The following SLC4A4 variants were observed in gnomAD, a reference collection of about 807,000 sequenced individuals.
The protein encoded by SLC4A4 is electrogenic sodium bicarbonate cotransporter 1.
In SLC4A4, 27 loss-of-function variants were observed where a neutral mutation model predicts 111.5. That is an observed-to-expected ratio of 0.24 (90% CI 0.18 to 0.33). The LOEUF (loss-of-function observed/expected upper bound fraction) is 0.33, where lower values mean the gene tolerates loss of function less well. Among genes scored for constraint, SLC4A4 ranks in the 10% least tolerant of loss-of-function variants. The pLI, the probability that SLC4A4 is intolerant of heterozygous loss-of-function variation, is 1.00. For synonymous variants in SLC4A4, 443 were observed against 463.4 expected (o/e 0.96, Z 0.57); for missense variants, 909 against 1,315.5 (o/e 0.69, Z 4.78).
chr4:71,459,691 T>G (rs1180973378), intron 12 of SLC4A4, among the ~76,000 whole-genome samples: 1 of 152,070 alleles, frequency 6.6e-6, no homozygotes, highest in Non-Finnish European at 1.5e-5. Context: ...TAGGGCAAAT[T>G]TCTAGCAGAA....
intron 15 of SLC4A4, among the ~76,000 whole-genome samples, chr4:71,497,127 T>C (rs1261345101): frequency 6.6e-6 from 1 of 152,090 alleles, no homozygotes; most frequent in Non-Finnish European, 1.5e-5. Flanking sequence ...AAGTACTTTT[T>C]GAAAAAGGGA....
rs140119135 is a variant in SLC4A4, at chr4:71,149,674, G to A, written c.-2+56882G>A. On this transcript the variant is annotated intron_variant, in intron 2 of 26. Coordinates refer to the SLC4A4 transcript ENST00000649996. ...GGCTCTGTGCTCCAAATATGAATGG[G>A]GGCTTAAGGAGGGCCATGTTTTCCT... Among the ~76,000 whole-genome samples the A allele has an allele frequency of 3.7e-3, 558 of 152,270 alleles. 1 individual carries two copies. Among genetic ancestry groups the A allele is most frequent in the Middle Eastern group, 0.017 (5 of 294 alleles).
intron 2 of SLC4A4, among the ~76,000 whole-genome samples, chr4:71,153,134 G>GGA (rs1391795384): frequency 1.3e-5 from 2 of 151,516 alleles, no homozygotes; most frequent in Non-Finnish European, 2.9e-5. Context: ...TGAGGAGCAA[G>GGA]GAGAGCCAGT....
In SLC4A4 at chr4:71,120,976, G is replaced by A. The variant is rs537724870; in HGVS notation, c.-2+28184G>A. ...GGCAGCACGCCGCCCTCGCGGGCCA[G>A]CACGAGTTCCGGGTGGGCACGCGCT... On this transcript the variant is annotated intron_variant, in intron 2 of 26. Coordinates refer to the SLC4A4 transcript ENST00000649996. Among the ~76,000 whole-genome samples the A allele has an allele frequency of 6.6e-5, 10 of 152,368 alleles. No individual in the cohort carries two copies. In the East Asian group the frequency reaches 1.9e-3, roughly 29 times the overall value.
At chr4:71,487,672 A>G (rs1321272791) in intron 15 of SLC4A4, among the ~76,000 whole-genome samples, 1 of 151,630 alleles carries the variant, frequency 6.6e-6, no homozygotes, top group Non-Finnish European at 1.5e-5. Context: ...ATCTTACCAA[A>G]GAATATCAAT....
At chr4:71,142,849 A>G (rs951872992) in intron 2 of SLC4A4, among the ~76,000 whole-genome samples, 1 of 143,124 alleles carries the variant, frequency 7.0e-6, no homozygotes, top group Non-Finnish European at 1.5e-5. Flanking sequence ...TGACAATTCT[A>G]GGCATGCGCA....
At chr4:71,296,532 T>G (rs2602067) in intron 3 of SLC4A4, among the ~76,000 whole-genome samples, 5,209 of 152,186 alleles carry the variant, frequency 0.034, 291 homozygotes, top group African/African-American at 0.11. Context: ...TGTATTTTTT[T>G]GGGGGGGAAC....
At position 71,497,569 on chromosome 4, in the gene SLC4A4, C is replaced by T. The variant is rs754449686; in HGVS notation, c.2043C>T (p.Leu681=). The T allele has an allele frequency of 1.9e-5, 30 of 1,613,434 alleles. No homozygotes were observed. Among genetic ancestry groups the T allele is most frequent in the Non-Finnish European group, 2.5e-5 (30 of 1,179,752 alleles). The part of the protein sequence containing the change: ...KKECSKYGGN[L]VGNNCNFVPD... ...AGTGTTCAAAATACGGAGGAAACCTCGTCGGGAACAACTGTAATTTTGTTC... is the reference window on the plus strand; with the variant it reads ...AGTGTTCAAAATACGGAGGAAACCTTGTCGGGAACAACTGTAATTTTGTTC... The change falls in exon 16 of 26, where the codon CTC becomes CTT. Residue 681 remains leucine, a synonymous_variant. Coordinates refer to ENST00000264485, the MANE Select transcript of SLC4A4 (RefSeq NM_001098484.3).
chr4:71,550,842 T>A (rs1735921609), intron 20 of SLC4A4, among the ~76,000 whole-genome samples: 1 of 151,920 alleles, frequency 6.6e-6, no homozygotes, highest in Non-Finnish European at 1.5e-5. Flanking sequence ...GTTTTTCATT[T>A]TTATTCTGAT....
chr4:71,488,930 T>C (rs1447437454), intron 15 of SLC4A4, among the ~76,000 whole-genome samples: 1 of 104,654 alleles, frequency 9.6e-6, no homozygotes, highest in Non-Finnish European at 1.8e-5. Flanking sequence ...GTGTGTGTGG[T>C]CATGAAGGCC....
At chr4:71,166,485 A>C (rs1465133170) in intron 2 of SLC4A4, among the ~76,000 whole-genome samples, 1 of 152,238 alleles carries the variant, frequency 6.6e-6, no homozygotes, top group African/African-American at 2.4e-5. Flanking sequence ...AGTGTAAACA[A>C]AACAGCTTTG....
rs1323159782 is a variant in SLC4A4, at chr4:71,571,544, A to G, written c.*3793A>G. 3 of 152,238 alleles carry G rather than the reference A, an allele frequency of 2.0e-5. No homozygotes were observed. Among genetic ancestry groups the G allele is most frequent in the African/African-American group, 4.8e-5 (2 of 41,408 alleles). The allele number at this position is 152,238 out of a possible 1,614,324, so 9.4% of individuals were successfully genotyped here. On this transcript the variant is annotated 3_prime_UTR_variant, in exon 26 of 26. Coordinates refer to ENST00000264485, the MANE Select transcript of SLC4A4 (RefSeq NM_001098484.3). ...TTGGCCAGAGATTTAGATATGTCCA[A>G]TTTCCTGGCTCATTTCATTGTGCTC... is the stretch of plus-strand genomic sequence containing the variant.
chr4:71,199,586 T>C (rs1578583770), intron 1 of SLC4A4, among the ~76,000 whole-genome samples: 1 of 152,314 alleles, frequency 6.6e-6, no homozygotes, highest in East Asian at 1.9e-4. Context: ...GGCCTACAGC[T>C]TTTAGCTTGT....
intron 14 of SLC4A4, among the ~76,000 whole-genome samples, chr4:71,483,420 C>G (rs1729071731): frequency 6.6e-6 from 1 of 151,760 alleles, no homozygotes; most frequent in African/African-American, 2.4e-5. Flanking sequence ...TGAGAACATG[C>G]AATATTTGGT....
intron 3 of SLC4A4, among the ~76,000 whole-genome samples, chr4:71,290,073 T>G (rs539644120): frequency 6.6e-6 from 1 of 152,160 alleles, no homozygotes. Flanking sequence ...TGGGAAAGTC[T>G]GCTGGGTTAG....
At chr4:71,378,659 T>C (rs1717775606) in intron 6 of SLC4A4, among the ~76,000 whole-genome samples, 1 of 152,224 alleles carries the variant, frequency 6.6e-6, no homozygotes, top group Admixed American at 6.5e-5. Flanking sequence ...GAAAAGCAAA[T>C]GCAGTATTCC....
chr4:71,454,643 A>C (rs1577945519), intron 12 of SLC4A4, among the ~76,000 whole-genome samples: 1 of 152,142 alleles, frequency 6.6e-6, no homozygotes, highest in East Asian at 1.9e-4. Context: ...TTTTGTCTAA[A>C]TACAAAAATA....
chr4:71,557,612 C>A, intron 21 of SLC4A4, 100 bp from the exon 22 acceptor site: 1 of 1,232,990 alleles, frequency 8.1e-7, no homozygotes, highest in Non-Finnish European at 1.2e-6. Context: ...AAGGACACTG[C>A]TTGCCTAAAT....
chr4:71,186,583 C>T (rs1284748850), upstream of SLC4A4, among the ~76,000 whole-genome samples: 1 of 151,740 alleles, frequency 6.6e-6, no homozygotes, highest in Admixed American at 6.6e-5. Context: ...CGCACAGAGC[C>T]CAAGCCCCCG....
Sources: allele counts gnomAD v4.1 joint callset (sites outside exome capture counted in the v4.1 genomes callset), GRCh38; gene constraint gnomAD v4.1.1; transcripts MANE v1.5; gene names NCBI Gene and HGNC (gene_info 2026-07-23, HGNC 2026-07-21).